The following CASZ1 variants were observed in gnomAD, a reference collection of about 807,000 sequenced individuals.
CASZ1 encodes the protein castor zinc finger 1.
Under a neutral mutation model 135.2 loss-of-function variants are expected in CASZ1, and 28 were observed. That is an observed-to-expected ratio of 0.21 (90% CI 0.15 to 0.28). The LOEUF (loss-of-function observed/expected upper bound fraction) is 0.28, where lower values mean the gene tolerates loss of function less well. Ranked by LOEUF, CASZ1 falls within the 10% of genes least tolerant of loss-of-function variation. CASZ1 has a pLI of 1.00. For synonymous variants in CASZ1, 1,068 were observed against 1,073.4 expected, an observed-to-expected ratio of 0.99 and a Z score of 0.10; for missense variants, 2,161 against 2,453.3, an observed-to-expected ratio of 0.88 and a Z score of 2.52.
Position 10,639,499 on chromosome 1 carries a change from A to T in CASZ1, c.4723T>A (p.Phe1575Ile). 1 of 1,611,610 alleles carries T rather than the reference A, an allele frequency of 6.2e-7. No individual in the cohort carries two copies. The highest frequency in any genetic ancestry group is 8.5e-7 in the Non-Finnish European group (1 of 1,179,516). The change falls in exon 21 of 21, where the codon TTC becomes ATC. Residue 1575 changes from phenylalanine to isoleucine, a missense_variant. Phe to Ile is a conservative substitution (Grantham distance 21, BLOSUM62 0). Transcript: ENST00000377022. The surrounding 1 kb of genome is among the most constrained non-coding windows in gnomAD (Gnocchi z 4.0). ...ACCACCGTGTGGCGGCAGCCCGGGA[A>T]GGTGCAGTGGAAGTGCGAGCACTTG... ...KLKCSHFHCT[F>I]PGCRHTVVGM...
At position 10,701,843 on chromosome 1, in the gene CASZ1, T is replaced by C. The variant is rs557633557; in HGVS notation, c.-24+3649A>G. Among the ~76,000 whole-genome samples the C allele has an allele frequency of 9.2e-5, 14 of 152,124 alleles. No homozygotes were observed. The highest frequency in any genetic ancestry group is 9.2e-4 in the Admixed American group (14 of 15,294). On this transcript the variant is annotated intron_variant, in intron 3 of 20. Transcript: ENST00000377022. The surrounding 1 kb of genome is among the most constrained non-coding windows in gnomAD (Gnocchi z 6.3). Reference sequence around the variant, plus strand: ...CTCCTGCTGAACTAACAGGTGCTCGTCCAGGAGCCGACCTGAGGGAGCCCA... The same window carrying C: ...CTCCTGCTGAACTAACAGGTGCTCGCCCAGGAGCCGACCTGAGGGAGCCCA...
intron 7 of CASZ1, chr1:10,658,164 C>G (rs1416222224): frequency 3.8e-6 from 1 of 260,070 alleles, no homozygotes; most frequent in African/African-American, 2.2e-5. Context: ...GACAGTTTCA[C>G]GGTGGCCTGC....
chr1:10,677,276 G>GGA (rs1314119554), intron 4 of CASZ1, among the ~76,000 whole-genome samples: 1 of 152,174 alleles, frequency 6.6e-6, no homozygotes, highest in African/African-American at 2.4e-5. Flanking sequence ...AAGCCTCGCT[G>GGA]GAGCAGGAGG....
chr1:10,673,454 C>T (rs986214081), intron 4 of CASZ1, among the ~76,000 whole-genome samples: 4 of 151,992 alleles, frequency 2.6e-5, no homozygotes, highest in Non-Finnish European at 1.5e-5. Context: ...TGTGCACACA[C>T]GCGCGTGCAC....
chr1:10,742,374 T>G (rs1018349540), intron 2 of CASZ1, among the ~76,000 whole-genome samples: 2 of 152,140 alleles, frequency 1.3e-5, no homozygotes, highest in Non-Finnish European at 2.9e-5. Flanking sequence ...TAAATGGTTT[T>G]AAAGAGACAG....
At position 10,767,861 on chromosome 1, in the gene CASZ1, G is replaced by A. The variant is rs148656891; in HGVS notation, c.-233-7004C>T. Among the ~76,000 whole-genome samples the A allele has an allele frequency of 2.9e-3, 443 of 152,132 alleles. No homozygotes were observed. The highest frequency in any genetic ancestry group is 4.1e-3 in the Non-Finnish European group (281 of 67,986). ...CTGTCCACAGCCCTCGGCCCATGAG[G>A]AGGGCCACGACCCTGGCATCACCCC... is the stretch of plus-strand genomic sequence containing the variant. On this transcript the variant is annotated intron_variant, in intron 1 of 20. Transcript: ENST00000377022. The surrounding 1 kb of genome is among the most constrained non-coding windows in gnomAD (Gnocchi z 4.2).
At chr1:10,740,485 A>T (rs577828646) in intron 2 of CASZ1, among the ~76,000 whole-genome samples, 6 of 152,310 alleles carry the variant, frequency 3.9e-5, no homozygotes, top group Non-Finnish European at 7.4e-5. Flanking sequence ...GGTCCCCCCA[A>T]GCCAGGGCTT....
intron 1 of CASZ1, among the ~76,000 whole-genome samples, chr1:10,780,212 T>G (rs1640738930): frequency 6.6e-6 from 1 of 152,244 alleles, no homozygotes; most frequent in Non-Finnish European, 1.5e-5. Flanking sequence ...TGTCATTTTC[T>G]CATTACCCCA....
At chr1:10,715,297 G>A (rs1416956812) in intron 2 of CASZ1, among the ~76,000 whole-genome samples, 1 of 152,136 alleles carries the variant, frequency 6.6e-6, no homozygotes, top group Non-Finnish European at 1.5e-5. Context: ...AACCAACTCT[G>A]TGAGTCACCT....
At chr1:10,649,934 G>C in intron 13 of CASZ1, 1 of 153,026 alleles carries the variant, frequency 6.5e-6, no homozygotes, top group African/African-American at 2.4e-5. Context: ...GCGGCCGGGA[G>C]GGGGTCATTG....
At position 10,788,562 on chromosome 1, in the gene CASZ1, G is replaced by A. The variant is rs181205792; in HGVS notation, c.-234+8002C>T. Among the ~76,000 whole-genome samples, 2 of 152,308 alleles carry A rather than the reference G, an allele frequency of 1.3e-5. No homozygotes were observed. Among genetic ancestry groups the A allele is most frequent in the Admixed American group, 1.3e-4 (2 of 15,298 alleles). On this transcript the variant is annotated intron_variant, in intron 1 of 20. Coordinates refer to ENST00000377022, the MANE Select transcript of CASZ1 (RefSeq NM_001079843.3). The surrounding 1 kb of genome is among the most constrained non-coding windows in gnomAD (Gnocchi z 4.1). ...GGGGGCACATGGATTCAAAAGAAGGGAAGAAGCACAGCCCAGAGACTGCCC... is the reference window on the plus strand; with the variant it reads ...GGGGGCACATGGATTCAAAAGAAGGAAAGAAGCACAGCCCAGAGACTGCCC...
intron 4 of CASZ1, among the ~76,000 whole-genome samples, chr1:10,678,882 CA>C (rs1638326562): frequency 6.6e-6 from 1 of 152,174 alleles, no homozygotes; most frequent in African/African-American, 2.4e-5. Flanking sequence ...CCTGCCATCG[CA>C]AAATTAGAGA....
At chr1:10,670,672 C>T (rs1643370742) in intron 4 of CASZ1, among the ~76,000 whole-genome samples, 1 of 152,226 alleles carries the variant, frequency 6.6e-6, no homozygotes, top group African/African-American at 2.4e-5. Context: ...AAAGCCAGTA[C>T]AAGAGCCATC....
chr1:10,654,690 T>G (rs1330728877), intron 9 of CASZ1, 99 bp from the exon 10 acceptor site: 7 of 1,179,056 alleles, frequency 5.9e-6, no homozygotes, highest in Non-Finnish European at 8.5e-6. Flanking sequence ...ACTTCCCTGC[T>G]CAGGGAAGCT....
At chr1:10,651,232 C>A (rs373036940) in intron 11 of CASZ1, 156 bp from the exon 12 acceptor site, 1 of 472,524 alleles carries the variant, frequency 2.1e-6, no homozygotes, top group Non-Finnish European at 3.5e-6. Flanking sequence ...GCGACGCTCG[C>A]TCCTGTGTGG....
chr1:10,702,268 A>G, intron 3 of CASZ1, among the ~76,000 whole-genome samples: 1 of 152,084 alleles, frequency 6.6e-6, no homozygotes, highest in East Asian at 1.9e-4. Flanking sequence ...TGTCTTCCCT[A>G]TGCACCTGCA....
At chr1:10,716,708 TC>T (rs925655634) in intron 2 of CASZ1, among the ~76,000 whole-genome samples, 9 of 152,262 alleles carry the variant, frequency 5.9e-5, no homozygotes, top group African/African-American at 2.2e-4. Flanking sequence ...ATGGAGGGGC[TC>T]CCCAAGAGCT....
intron 1 of CASZ1, among the ~76,000 whole-genome samples, chr1:10,778,751 G>T (rs1170142251): frequency 6.6e-6 from 1 of 152,180 alleles, no homozygotes; most frequent in Non-Finnish European, 1.5e-5. Context: ...CCCTGGCAGA[G>T]AGCGGCTTCT....
chr1:10,772,690 A>T (rs1453502180), intron 1 of CASZ1, among the ~76,000 whole-genome samples: 1 of 152,152 alleles, frequency 6.6e-6, no homozygotes, highest in Non-Finnish European at 1.5e-5. Context: ...AGACAGGTGC[A>T]TGGCTCCTCC....
Sources: allele counts gnomAD v4.1 joint callset (sites outside exome capture counted in the v4.1 genomes callset), GRCh38; gene constraint gnomAD v4.1.1; non-coding constraint Gnocchi (gnomAD v3.1); transcripts MANE v1.5; gene names NCBI Gene and HGNC (gene_info 2026-07-23, HGNC 2026-07-21).